Variants in TRIP11 observed in about 807,000 individuals in gnomAD.
TRIP11 encodes the protein thyroid receptor-interacting protein 11.
In TRIP11, 148 loss-of-function variants were observed where a neutral mutation model predicts 223.1. The observed-to-expected ratio is 0.66, with a 90% CI of 0.58 to 0.76. The LOEUF is 0.76. Among genes scored for constraint, TRIP11 ranks in the 30% least tolerant of loss-of-function variants. The pLI is 0.00. For synonymous variants in TRIP11, 762 were observed against 772.6 expected (o/e 0.99, Z 0.23); for missense variants, 2,043 against 2,222.0 (o/e 0.92, Z 1.62).
chr14:92,011,664 C>A, intron 8 of TRIP11, 91 bp downstream of exon 8: 17 of 1,005,358 alleles, frequency 1.7e-5, no homozygotes, highest in Non-Finnish European at 2.6e-5. Context: ...CTCTTTGAAT[C>A]TCTTAAGGAA....
intron 1 of TRIP11, among the ~76,000 whole-genome samples, chr14:92,034,575 A>G (rs2057303695): frequency 6.6e-6 from 1 of 152,238 alleles, no homozygotes; most frequent in South Asian, 2.1e-4. Context: ...GAGAACACTT[A>G]TTTAAAGTAA....
intron 14 of TRIP11, among the ~76,000 whole-genome samples, chr14:91,994,590 A>C (rs2056724586): frequency 6.6e-6 from 1 of 152,206 alleles, no homozygotes; most frequent in Admixed American, 6.5e-5. Flanking sequence ...GAAGTAACAC[A>C]GAGGTACAAA....
Position 92,005,103 on chromosome 14 carries a change from A to T in TRIP11, c.2873T>A (p.Phe958Tyr). Residue 958 changes from phenylalanine (F) to tyrosine (Y), a missense_variant, in exon 11 of 21, where the codon TTT becomes TAT. Physicochemically the swap from Phe to Tyr is conservative, Grantham distance 22. Coordinates refer to ENST00000267622, the MANE Select transcript of TRIP11 (RefSeq NM_004239.4). ...CTTAATTTCCTCATCCTTCTCTAAA[A>T]AGAGCTGGGTGTGTGTGGCGTTCAT... ...EQMNATHTQLFLEKDEEIKSL... is the reference protein window; with the variant it reads ...EQMNATHTQLYLEKDEEIKSL... The T allele has an allele frequency of 6.2e-7, 1 of 1,613,708 alleles. No homozygotes were observed. The highest frequency in any genetic ancestry group is 8.5e-7 in the Non-Finnish European group (1 of 1,180,022).
chr14:92,038,237 C>A (rs1025267534), intron 1 of TRIP11, among the ~76,000 whole-genome samples: 1 of 152,124 alleles, frequency 6.6e-6, no homozygotes, highest in Non-Finnish European at 1.5e-5. Flanking sequence ...CCACCTTAAA[C>A]CTGGAAGACA....
chr14:92,027,119 TTAAAAGTA>T (rs2057199625), intron 2 of TRIP11, among the ~76,000 whole-genome samples: 1 of 152,044 alleles, frequency 6.6e-6, no homozygotes, highest in African/African-American at 2.4e-5. Flanking sequence ...GCTTTTTTTC[TTAAAAGTA>T]TTTTAAAAAG....
chr14:91,986,723 G>A (rs567967959), intron 16 of TRIP11, among the ~76,000 whole-genome samples: 24 of 152,288 alleles, frequency 1.6e-4, no homozygotes, highest in African/African-American at 5.3e-4. Flanking sequence ...AGCCCAACCC[G>A]AAGATTATCA....
chr14:92,011,179 A>G (rs1267663415), intron 8 of TRIP11, 107 bp from the exon 9 acceptor site: 27 of 997,026 alleles, frequency 2.7e-5, no homozygotes, highest in Non-Finnish European at 4.2e-5. Context: ...TTCTTTAATG[A>G]TATGTAGTAA....
rs2057340956 is a variant in TRIP11, at chr14:92,037,891, A to T, written c.139+1656T>A. On this transcript the variant is annotated intron_variant, in intron 1 of 20. Coordinates refer to ENST00000267622, the MANE Select transcript of TRIP11 (RefSeq NM_004239.4). The surrounding 1 kb of genome is among the most constrained non-coding windows in gnomAD (Gnocchi z 4.2). Reference sequence around the variant, plus strand: ...CTCAGTCCAAAACTAAGAGGTTTGGATTTTATTCTGTAACAGGGTCAAGAA... The same window carrying T: ...CTCAGTCCAAAACTAAGAGGTTTGGTTTTTATTCTGTAACAGGGTCAAGAA... 3.9e-5 allele frequency among the ~76,000 whole-genome samples: 6 copies of T among 152,168 alleles called. No homozygotes were observed. The highest frequency in any genetic ancestry group is 3.9e-4 in the Admixed American group (6 of 15,278).
At chr14:92,017,028 T>C (rs749814549) in intron 5 of TRIP11, among the ~76,000 whole-genome samples, 3 of 152,148 alleles carry the variant, frequency 2.0e-5, no homozygotes, top group Non-Finnish European at 4.4e-5. Context: ...TTCCAATGCA[T>C]GATATTAGTA....
At position 91,969,814 on chromosome 14, in the gene TRIP11, A is replaced by G. The variant is rs772685744; in HGVS notation, c.5799T>C (p.Ile1933=). The change falls in exon 21 of 21, where the codon ATT becomes ATC. Residue 1933 remains isoleucine, a synonymous_variant. Coordinates refer to ENST00000267622, the MANE Select transcript of TRIP11 (RefSeq NM_004239.4). ...LAPRSAAVPL[I]NPAGLGPGGP... The stretch of plus-strand genomic sequence containing the variant: ...CACCAGGTCCAAGTCCAGCTGGGTT[A>G]ATAAGAGGTACAGCTGCCGAGCGAG... 2.4e-5 allele frequency: 39 copies of G among 1,614,226 alleles called. No homozygotes were observed. In the East Asian group the frequency reaches 8.7e-4, roughly 36 times the overall value.
At chr14:92,024,370 CAAAA>C (rs61209764) in intron 3 of TRIP11, among the ~76,000 whole-genome samples, 1 of 106,672 alleles carries the variant, frequency 9.4e-6, no homozygotes, top group Admixed American at 1.1e-4. Context: ...GACTCTGTCT[CAAAA>C]AAAAAAAAAA....
intron 16 of TRIP11, among the ~76,000 whole-genome samples, chr14:91,985,044 G>A (rs1002146248): frequency 6.6e-6 from 1 of 152,210 alleles, no homozygotes; most frequent in African/African-American, 2.4e-5. Flanking sequence ...GATAGAGGGG[G>A]AGGGAGACAG....
At position 92,005,051 on chromosome 14, in the gene TRIP11, G is replaced by T; in HGVS notation, c.2925C>A (p.Ile975=). The part of the protein sequence containing the change: ...IKSLQKTIEQ[I]KTQLHEERQD... ...GTCTTTCTTCATGCAACTGGGTTTT[G>T]ATTTGTTCAATTGTTTTTTGCAAAC... The change falls in exon 11 of 21, where the codon ATC becomes ATA. Residue 975 remains isoleucine, a synonymous_variant. Coordinates refer to ENST00000267622, the MANE Select transcript of TRIP11 (RefSeq NM_004239.4). 2 of 1,613,910 alleles carry T rather than the reference G, an allele frequency of 1.2e-6. No homozygotes were observed. The highest frequency in any genetic ancestry group is 1.7e-6 in the Non-Finnish European group (2 of 1,180,014).
intron 13 of TRIP11, among the ~76,000 whole-genome samples, chr14:91,997,670 G>A (rs1166232929): frequency 9.9e-5 from 15 of 151,976 alleles, no homozygotes; most frequent in Admixed American, 9.8e-4. Flanking sequence ...AGAAGAAAAA[G>A]AAACAGGAAA....
Position 91,993,776 on chromosome 14 carries a change from T to C in TRIP11, c.5160+33A>G, listed in dbSNP as rs761738809. 4.6e-6 allele frequency: 7 copies of C among 1,516,282 alleles called. No homozygotes were observed. The Admixed American group carries it at 8.4e-5, about 18-fold the overall frequency. The allele number at this position is 1,516,282 out of a possible 1,614,324, so 93.9% of individuals were successfully genotyped here. On this transcript the variant is annotated intron_variant, in intron 15 of 20. Transcript: ENST00000267622. ...CTACAAGTAACTGTTCCATGAATAA[T>C]AAAACCTACAAGAGAAAACTATTTT...
intron 14 of TRIP11, among the ~76,000 whole-genome samples, chr14:91,994,714 C>T (rs1327740042): frequency 1.3e-5 from 2 of 152,148 alleles, no homozygotes; most frequent in Non-Finnish European, 1.5e-5. Flanking sequence ...TTACTGAATG[C>T]ATGAATAAAC....
At chr14:92,039,303 T>C (rs1442349272) in intron 1 of TRIP11, among the ~76,000 whole-genome samples, 2 of 152,194 alleles carry the variant, frequency 1.3e-5, no homozygotes, top group Admixed American at 6.5e-5. Flanking sequence ...AGTTTCACTC[T>C]ACTGTACTTT....
chr14:92,006,613 T>C (rs969684955), intron 10 of TRIP11, among the ~76,000 whole-genome samples, 165 bp from the exon 11 acceptor site: 1 of 152,228 alleles, frequency 6.6e-6, no homozygotes. Context: ...AAATTACTTA[T>C]TATTATTTTA....
intron 19 of TRIP11, 118 bp from the exon 20 acceptor site, chr14:91,972,979 ATT>A: frequency 2.3e-6 from 2 of 868,154 alleles, no homozygotes; most frequent in Non-Finnish European, 3.3e-6. Flanking sequence ...CACTTGAATA[ATT>A]TTTTTTTACA....
Sources: allele counts gnomAD v4.1 joint callset (sites outside exome capture counted in the v4.1 genomes callset), GRCh38; gene constraint gnomAD v4.1.1; non-coding constraint Gnocchi (gnomAD v3.1); transcripts MANE v1.5; gene names NCBI Gene and HGNC (gene_info 2026-07-23, HGNC 2026-07-21).